Variants in FGF12 observed in about 807,000 individuals in gnomAD.
The protein encoded by FGF12 is fibroblast growth factor 12B.
In FGF12, 14 loss-of-function variants were observed where a neutral mutation model predicts 23.6. That is an observed-to-expected ratio of 0.59 (90% CI 0.39 to 0.93). The LOEUF (loss-of-function observed/expected upper bound fraction) is 0.93, where lower values mean the gene tolerates loss of function less well. Ranked by LOEUF, FGF12 falls within the 40% of genes least tolerant of loss-of-function variation. The pLI, the probability that FGF12 is intolerant of heterozygous loss-of-function variation, is 0.00. For synonymous variants in FGF12, 62 were observed against 77.3 expected (o/e 0.80, Z 1.04); for missense variants, 175 against 217.8 (o/e 0.80, Z 1.24).
At chr3:192,695,234 A>T (rs1718077363) in intron 2 of FGF12, among the ~76,000 whole-genome samples, 1 of 152,198 alleles carries the variant, frequency 6.6e-6, no homozygotes, top group African/African-American at 2.4e-5. Flanking sequence ...ATACAAACCT[A>T]GCATTTTTCG....
chr3:192,727,060 T>A, intron 2 of FGF12, 121 bp downstream of exon 2: 1 of 1,253,172 alleles, frequency 8.0e-7, no homozygotes, highest in South Asian at 1.3e-5. Context: ...GGACATAGCA[T>A]CTCCTCCTCT....
intron 4 of FGF12, among the ~76,000 whole-genome samples, chr3:192,254,400 T>G (rs888832100): frequency 5.9e-5 from 9 of 151,950 alleles, no homozygotes; most frequent in African/African-American, 2.2e-4. Flanking sequence ...ATATACTACA[T>G]TTTCTGTTTC....
At chr3:192,157,948 G>A (rs1404870407) in intron 5 of FGF12, among the ~76,000 whole-genome samples, 1 of 152,130 alleles carries the variant, frequency 6.6e-6, no homozygotes, top group Non-Finnish European at 1.5e-5. Flanking sequence ...TTGCAGCTGA[G>A]TAAACTGAAG....
chr3:192,366,259 A>G (rs1718979720), intron 2 of FGF12, among the ~76,000 whole-genome samples: 1 of 152,188 alleles, frequency 6.6e-6, no homozygotes. Context: ...AAGCAGTTAC[A>G]GAAAATTGTG....
chr3:192,691,440 T>C (rs1226560601), intron 2 of FGF12, among the ~76,000 whole-genome samples: 2 of 151,934 alleles, frequency 1.3e-5, no homozygotes, highest in Non-Finnish European at 2.9e-5. Context: ...AAACAACCGA[T>C]GAGTCAAAGA....
intron 2 of FGF12, among the ~76,000 whole-genome samples, chr3:192,670,073 T>C (rs1166214066): frequency 6.6e-6 from 1 of 152,176 alleles, no homozygotes; most frequent in Non-Finnish European, 1.5e-5. Flanking sequence ...ATTCCTCCAT[T>C]TTCCAACTAT....
chr3:192,522,086 T>A (rs1724830291), intron 2 of FGF12, among the ~76,000 whole-genome samples: 1 of 151,700 alleles, frequency 6.6e-6, no homozygotes, highest in Admixed American at 6.6e-5. Context: ...TAGTCCCAGC[T>A]ACTCGGGAGG....
rs971701019 is a variant in FGF12 at position 192,532,307 on chromosome 3, G to T, written c.14-171769C>A. Among the ~76,000 whole-genome samples the T allele has an allele frequency of 5.9e-5, 9 of 151,960 alleles. No homozygotes were observed. The East Asian group carries it at 1.5e-3, about 26-fold the overall frequency. ...TGAAGAATGCTGATGACCTTTCGAT[G>T]GGGATTGAACTGAATCTGTAGATTG... On this transcript the variant is annotated intron_variant, in intron 2 of 5. Transcript: ENST00000445105.
At chr3:192,703,913 C>T (rs1368970633) in intron 2 of FGF12, among the ~76,000 whole-genome samples, 1 of 152,102 alleles carries the variant, frequency 6.6e-6, no homozygotes, top group African/African-American at 2.4e-5. Flanking sequence ...CTGTGTTGCC[C>T]AGGCTGGTCT....
At position 192,306,760 on chromosome 3, in the gene FGF12, ACAC is replaced by A. The variant is rs143878358; in HGVS notation, c.228+28598_228+28600del. Reference sequence around the variant, plus strand: ...AAATATCACTTGCACAGATTAAATAACACCACATTTCAGGAGAGGCAGTATAAA... The same window carrying A: ...AAATATCACTTGCACAGATTAAATAACACATTTCAGGAGAGGCAGTATAAA... On this transcript the variant is annotated intron_variant, in intron 4 of 5. Transcript: ENST00000445105. Among the ~76,000 whole-genome samples, 1,427 of 152,272 alleles carry A rather than the reference ACAC, an allele frequency of 9.4e-3. 20 individuals carry two copies. Among genetic ancestry groups the A allele is most frequent in the African/African-American group, 0.033 (1,373 of 41,516 alleles).
intron 2 of FGF12, among the ~76,000 whole-genome samples, chr3:192,487,213 G>A (rs879798940): frequency 2.0e-5 from 3 of 152,052 alleles, no homozygotes; most frequent in Admixed American, 1.3e-4. Context: ...ACAGCTAGAT[G>A]CATTTATTAT....
chr3:192,723,860 T>TGAGAGAGAGA (rs201705134), intron 2 of FGF12, among the ~76,000 whole-genome samples: 1 of 119,054 alleles, frequency 8.4e-6, no homozygotes, highest in African/African-American at 3.4e-5. Context: ...TGTGTGTGTG[T>TGAGAGAGAGA]GTGAGAGAGA....
intron 2 of FGF12, among the ~76,000 whole-genome samples, chr3:192,366,329 C>A (rs553361491): frequency 6.6e-6 from 1 of 152,232 alleles, no homozygotes; most frequent in East Asian, 1.9e-4. Flanking sequence ...AGCGTATTCA[C>A]ATATACCCAA....
intron 2 of FGF12, among the ~76,000 whole-genome samples, chr3:192,538,372 A>G (rs1328003497): frequency 6.6e-6 from 1 of 152,106 alleles, no homozygotes; most frequent in Non-Finnish European, 1.5e-5. Flanking sequence ...TATTGAAGAT[A>G]TTGTCTTTTC....
At chr3:192,596,803 TTGAG>T (rs1421168115) in intron 2 of FGF12, among the ~76,000 whole-genome samples, 1 of 152,224 alleles carries the variant, frequency 6.6e-6, no homozygotes, top group East Asian at 1.9e-4. Flanking sequence ...AGTGAATACT[TTGAG>T]TGAGATTTAA....
At chr3:192,520,535 G>T (rs571178824) in intron 2 of FGF12, among the ~76,000 whole-genome samples, 2 of 152,222 alleles carry the variant, frequency 1.3e-5, no homozygotes, top group Non-Finnish European at 2.9e-5. Context: ...AGTGACTTAG[G>T]TTGCTTCTTT....
chr3:192,284,795 C>T lies in FGF12; in HGVS notation c.228+50566G>A, dbSNP rs73064582. ...GGCTTTCATAAAGTCATAGAATCAA[C>T]AGGCTGGAAGTGTTGAAATAAGTTC... On this transcript the variant is annotated intron_variant, in intron 4 of 5. Transcript: ENST00000445105. 1.4e-3 allele frequency among the ~76,000 whole-genome samples: 220 copies of T among 152,146 alleles called. 1 individual carries two copies. Among genetic ancestry groups the T allele is most frequent in the African/African-American group, 5.1e-3 (210 of 41,570 alleles).
At chr3:192,592,881 C>T (rs541730211) in intron 2 of FGF12, among the ~76,000 whole-genome samples, 4 of 151,944 alleles carry the variant, frequency 2.6e-5, no homozygotes, top group Admixed American at 2.0e-4. Context: ...TGATGTCACA[C>T]GTTTCTGACT....
In FGF12 at chr3:192,537,950, CT is replaced by C. The variant is rs370317111; in HGVS notation, c.14-177413del. 6.0e-3 allele frequency among the ~76,000 whole-genome samples: 727 copies of C among 121,270 alleles called. 32 individuals are homozygous for C. Among genetic ancestry groups the C allele is most frequent in the Middle Eastern group, 0.021 (4 of 194 alleles). 79.6% of individuals were successfully genotyped at this position (121,270 alleles called of 152,430 possible). ...AAGGTCTTAGATTTAAGCCTTTAAC[CT>C]TTTTTTTTTTTTGAGATGGAGTTTC... On this transcript the variant is annotated intron_variant, in intron 2 of 5. Coordinates refer to ENST00000445105, the MANE Select transcript of FGF12 (RefSeq NM_004113.6).
Sources: allele counts gnomAD v4.1 joint callset (sites outside exome capture counted in the v4.1 genomes callset), GRCh38; gene constraint gnomAD v4.1.1; transcripts MANE v1.5; gene names NCBI Gene and HGNC (gene_info 2026-07-23, HGNC 2026-07-21).